CAMK4: variants seen among roughly 807,000 people sequenced by gnomAD.
CAMK4 encodes calcium/calmodulin dependent protein kinase IV.
In CAMK4, 22 loss-of-function variants were observed where a neutral mutation model predicts 44.9. That is an observed-to-expected ratio of 0.49 (90% CI 0.35 to 0.70). The LOEUF is 0.70. Ranked by LOEUF, CAMK4 falls within the 30% of genes least tolerant of loss-of-function variation. The pLI, the probability that CAMK4 is intolerant of heterozygous loss-of-function variation, is 0.01. For missense variants in CAMK4, 498 were observed against 586.8 expected, an observed-to-expected ratio of 0.85 and a Z score of 1.56; for synonymous variants, 218 against 215.4, an observed-to-expected ratio of 1.01 and a Z score of -0.11.
chr5:111,428,702 A>C (rs116747378), intron 5 of CAMK4, among the ~76,000 whole-genome samples: 1 of 152,290 alleles, frequency 6.6e-6, no homozygotes, highest in African/African-American at 2.4e-5. Context: ...AAAAGAATAA[A>C]AAACAGTGAA....
chr5:111,494,028 T>C lies in CAMK4; in HGVS notation c.*9562T>C, dbSNP rs1755962945. On this transcript the variant is annotated 3_prime_UTR_variant, in exon 11 of 11. Coordinates refer to ENST00000282356, the MANE Select transcript of CAMK4 (RefSeq NM_001744.6). ...TGTGACATTATCTGGATGTGTTTTC[T>C]AGTCTTTCCTAAAGGAGAAATTTTT... The C allele has an allele frequency of 6.6e-6, 1 of 152,216 alleles. No individual in the cohort carries two copies. The highest frequency in any genetic ancestry group is 2.1e-4 in the South Asian group (1 of 4,832). 9.4% of individuals were successfully genotyped at this position (152,216 alleles called of 1,614,324 possible).
rs1389197526 is a variant in CAMK4, at chr5:111,427,874, C to T, written c.460-18812C>T. Reference sequence around the variant, plus strand: ...TTGCCACATGCTGATTGTAGAGCCCCAGGGCCTTGAGTGAATGTAGGCGGT... The same window carrying T: ...TTGCCACATGCTGATTGTAGAGCCCTAGGGCCTTGAGTGAATGTAGGCGGT... On this transcript the variant is annotated intron_variant, in intron 5 of 10. Coordinates refer to ENST00000282356, the MANE Select transcript of CAMK4 (RefSeq NM_001744.6). 5.3e-5 allele frequency among the ~76,000 whole-genome samples: 8 copies of T among 152,334 alleles called. No individual in the cohort carries two copies. In the East Asian group the frequency reaches 1.5e-3, roughly 29 times the overall value.
intron 2 of CAMK4, among the ~76,000 whole-genome samples, chr5:111,359,901 A>C (rs1750521882): frequency 6.6e-6 from 1 of 152,040 alleles, no homozygotes; most frequent in South Asian, 2.1e-4. Flanking sequence ...GGCATATATA[A>C]TAAAGTACTA....
rs1748108528 is a variant in CAMK4, at chr5:111,224,839, C to A, written c.161+195C>A. On this transcript the variant is annotated intron_variant, in intron 1 of 10. Transcript: ENST00000282356. The surrounding 1 kb of genome is among the most constrained non-coding windows in gnomAD (Gnocchi z 5.7). The stretch of plus-strand genomic sequence containing the variant: ...TTCCCACCCCACCAGAGCGCCTAGG[C>A]CGGTGCAGCTGTAGGATCAGCCCGA... 1.3e-5 allele frequency among the ~76,000 whole-genome samples: 2 copies of A among 152,212 alleles called. No individual in the cohort carries two copies. Among genetic ancestry groups the A allele is most frequent in the South Asian group, 4.1e-4 (2 of 4,824 alleles).
At chr5:111,476,965 A>G (rs1031810944) in intron 8 of CAMK4, among the ~76,000 whole-genome samples, 1 of 152,214 alleles carries the variant, frequency 6.6e-6, no homozygotes, top group Non-Finnish European at 1.5e-5. Flanking sequence ...CTAGATTTTC[A>G]GAAGGGGAAA....
intron 1 of CAMK4, among the ~76,000 whole-genome samples, chr5:111,241,022 C>A (rs1748966294): frequency 6.6e-6 from 1 of 151,902 alleles, no homozygotes; most frequent in Non-Finnish European, 1.5e-5. Context: ...CCTTTTTTCA[C>A]AGGATTATTG....
intron 5 of CAMK4, among the ~76,000 whole-genome samples, chr5:111,399,776 CAAAA>C (rs1561463237): frequency 1.3e-5 from 2 of 152,166 alleles, no homozygotes. Context: ...TCCTGTCATT[CAAAA>C]CTCACCTTCC....
At chr5:111,297,388 C>T (rs1262298481) in intron 1 of CAMK4, among the ~76,000 whole-genome samples, 1 of 152,088 alleles carries the variant, frequency 6.6e-6, no homozygotes, top group Non-Finnish European at 1.5e-5. Flanking sequence ...GGAAAATTAG[C>T]TCACTGCACT....
chr5:111,238,220 C>T (rs1055202919), intron 1 of CAMK4, among the ~76,000 whole-genome samples: 1 of 152,178 alleles, frequency 6.6e-6, no homozygotes, highest in African/African-American at 2.4e-5. Flanking sequence ...TTCATCTCTC[C>T]AGAGCCTAGG....
intron 9 of CAMK4, among the ~76,000 whole-genome samples, chr5:111,481,787 C>A (rs1432577109): frequency 6.6e-6 from 1 of 152,116 alleles, no homozygotes; most frequent in Non-Finnish European, 1.5e-5. Flanking sequence ...TCTGAGCTAC[C>A]CTGCTTCCCT....
intron 5 of CAMK4, among the ~76,000 whole-genome samples, chr5:111,443,279 T>C (rs28667781): frequency 0.032 from 1,185 of 37,366 alleles, 18 homozygotes; most frequent in African/African-American, 0.053. Flanking sequence ...TATATATATA[T>C]ACACACACAC....
chr5:111,434,166 T>A (rs572484860), intron 5 of CAMK4, among the ~76,000 whole-genome samples: 1 of 151,744 alleles, frequency 6.6e-6, no homozygotes, highest in East Asian at 1.9e-4. Flanking sequence ...GGTGGCGTGC[T>A]CCTGTAGTCC....
At chr5:111,374,109 C>T (rs1751118445) in intron 2 of CAMK4, among the ~76,000 whole-genome samples, 1 of 152,086 alleles carries the variant, frequency 6.6e-6, no homozygotes, top group Non-Finnish European at 1.5e-5. Flanking sequence ...TGTAGTGGCT[C>T]ATATAATTAG....
chr5:111,267,496 C>T (rs1050023999), intron 1 of CAMK4, among the ~76,000 whole-genome samples: 7 of 151,864 alleles, frequency 4.6e-5, no homozygotes, highest in African/African-American at 2.4e-5. Context: ...GCGGGCGGAT[C>T]ACGAGGTCAG....
rs1755546718 is a variant in CAMK4, at chr5:111,484,497, C to T, written c.*31C>T. 3.6e-6 allele frequency: 5 copies of T among 1,405,438 alleles called. No homozygotes were observed. Among genetic ancestry groups the T allele is most frequent in the Non-Finnish European group, 4.8e-6 (5 of 1,046,048 alleles). 87.1% of individuals were successfully genotyped at this position (1,405,438 alleles called of 1,614,324 possible). A position where few individuals can be genotyped will look rare whatever the true frequency, so the allele number is the denominator to read the frequency against. Reference sequence around the variant, plus strand: ...TTCCTTCAGATCTGGAAGCCAAACACCGGCATTTTATGTACTTTGTCCTTC... The same window carrying T: ...TTCCTTCAGATCTGGAAGCCAAACATCGGCATTTTATGTACTTTGTCCTTC... On this transcript the variant is annotated 3_prime_UTR_variant, in exon 11 of 11. Coordinates refer to ENST00000282356, the MANE Select transcript of CAMK4 (RefSeq NM_001744.6). The surrounding 1 kb of genome is among the most constrained non-coding windows in gnomAD (Gnocchi z 5.3).
At chr5:111,232,436 T>A (rs542146867) in intron 1 of CAMK4, among the ~76,000 whole-genome samples, 57 of 152,124 alleles carry the variant, frequency 3.7e-4, no homozygotes, top group African/African-American at 1.3e-3. Context: ...AGGCAGATGG[T>A]ACATTCTAAG....
chr5:111,224,223 G>A (rs1748046627), upstream of CAMK4: 1 of 333,592 alleles, frequency 3.0e-6, no homozygotes, highest in East Asian at 6.0e-5. This position sits in a 1 kb window ranked among gnomAD's most constrained non-coding sequence, Gnocchi z 5.7. Flanking sequence ...GAGGGGGAGG[G>A]AGCCTCTCTC....
At chr5:111,418,875 C>T (rs1027570486) in intron 5 of CAMK4, among the ~76,000 whole-genome samples, 1 of 152,112 alleles carries the variant, frequency 6.6e-6, no homozygotes, top group African/African-American at 2.4e-5. Flanking sequence ...CAAGTCTTTG[C>T]TATTGTGAAT....
At chr5:111,390,126 C>T (rs1751746185) in intron 4 of CAMK4, among the ~76,000 whole-genome samples, 1 of 152,094 alleles carries the variant, frequency 6.6e-6, no homozygotes, top group African/African-American at 2.4e-5. Flanking sequence ...TATTCAAGAA[C>T]AAATGAATAA....
Sources: allele counts gnomAD v4.1 joint callset (sites outside exome capture counted in the v4.1 genomes callset), GRCh38; gene constraint gnomAD v4.1.1; non-coding constraint Gnocchi (gnomAD v3.1); transcripts MANE v1.5; gene names NCBI Gene and HGNC (gene_info 2026-07-23, HGNC 2026-07-21).